Variants in ADAMTSL3 observed in about 807,000 individuals in gnomAD.
ADAMTSL3 encodes ADAMTS like 3.
ADAMTSL3 carries 128 observed loss-of-function variants against 201.7 expected under a neutral mutation model. The ratio of observed to expected loss-of-function variants is 0.63; its 90% CI spans 0.55 to 0.73. ADAMTSL3 has a LOEUF of 0.73. Among genes scored for constraint, ADAMTSL3 ranks in the 30% least tolerant of loss-of-function variants. ADAMTSL3 has a pLI of 0.00. For missense variants in ADAMTSL3, 1,990 were observed against 2,119.6 expected (o/e 0.94, Z 1.20); for synonymous variants, 738 against 748.4 (o/e 0.99, Z 0.23).
In ADAMTSL3 at chr15:84,038,147, C is replaced by T. The variant is rs1277948586; in HGVS notation, c.*341C>T. 9.1e-6 allele frequency: 2 copies of T among 219,208 alleles called. No individual in the cohort carries two copies. The highest frequency in any genetic ancestry group is 1.1e-4 in the Admixed American group (2 of 18,454). The allele number at this position is 219,208 out of a possible 1,614,324, so 13.6% of individuals were successfully genotyped here. A position where few individuals can be genotyped will look rare whatever the true frequency, so the allele number is the denominator to read the frequency against. On this transcript the variant is annotated 3_prime_UTR_variant, in exon 30 of 30. Transcript: ENST00000286744. Reference sequence around the variant, plus strand: ...CTCTTTCCTGTGATATGTAGACTAGCACAGAGTGGTACATCCTAAAAACTT... The same window carrying T: ...CTCTTTCCTGTGATATGTAGACTAGTACAGAGTGGTACATCCTAAAAACTT...
intron 4 of ADAMTSL3, among the ~76,000 whole-genome samples, chr15:83,784,130 A>G (rs1449020844): frequency 6.6e-6 from 1 of 152,124 alleles, no homozygotes; most frequent in African/African-American, 2.4e-5. Context: ...TCATTTGGAG[A>G]TAGTTTCTGG....
At chr15:83,698,928 G>A (rs2061726737) in intron 2 of ADAMTSL3, among the ~76,000 whole-genome samples, 5 of 151,872 alleles carry the variant, frequency 3.3e-5, no homozygotes, top group Admixed American at 2.6e-4. Flanking sequence ...CTAATATAGG[G>A]TGTTTTCCTT....
At chr15:83,918,534 C>A (rs553271140) in intron 16 of ADAMTSL3, among the ~76,000 whole-genome samples, 1 of 152,034 alleles carries the variant, frequency 6.6e-6, no homozygotes, top group Non-Finnish European at 1.5e-5. Context: ...GGGTGGCACA[C>A]GGATAATTTC....
At chr15:83,831,715 A>G (rs2141959382) in intron 6 of ADAMTSL3, among the ~76,000 whole-genome samples, 1 of 152,162 alleles carries the variant, frequency 6.6e-6, no homozygotes, top group Non-Finnish European at 1.5e-5. Context: ...TTCCGTAGAA[A>G]TCCTTCCCAG....
intron 29 of ADAMTSL3, 95 bp downstream of exon 29, chr15:84,037,082 T>A (rs1315972427): frequency 7.7e-7 from 1 of 1,305,632 alleles, no homozygotes; most frequent in South Asian, 1.3e-5. Context: ...TGCTAGTGAT[T>A]ACCTCATCAG....
At chr15:83,937,501 T>A (rs2066481418) in intron 17 of ADAMTSL3, among the ~76,000 whole-genome samples, 1 of 150,524 alleles carries the variant, frequency 6.6e-6, no homozygotes. Flanking sequence ...GACATCAGGG[T>A]CTACTTGAGG....
intron 2 of ADAMTSL3, among the ~76,000 whole-genome samples, chr15:83,702,183 G>A (rs765006866): frequency 3.3e-5 from 5 of 152,116 alleles, no homozygotes; most frequent in Non-Finnish European, 7.4e-5. Context: ...TAGGGTACCC[G>A]GTGGAAGAAA....
chr15:83,939,886 T>A (rs2142028805), intron 17 of ADAMTSL3, among the ~76,000 whole-genome samples: 1 of 152,266 alleles, frequency 6.6e-6, no homozygotes, highest in South Asian at 2.1e-4. Context: ...CCTCCCAAAG[T>A]GATGGGATTA....
intron 2 of ADAMTSL3, among the ~76,000 whole-genome samples, chr15:83,678,018 T>A (rs2061429616): frequency 6.6e-6 from 1 of 151,986 alleles, no homozygotes; most frequent in African/African-American, 2.4e-5. Flanking sequence ...AGTCTACTGA[T>A]ACCAACTTTA....
At chr15:83,786,662 T>A (rs74730892) in intron 4 of ADAMTSL3, among the ~76,000 whole-genome samples, 1 of 152,194 alleles carries the variant, frequency 6.6e-6, no homozygotes, top group East Asian at 1.9e-4. Context: ...CTTTTATGTG[T>A]CTGTTGTTTT....
intron 17 of ADAMTSL3, among the ~76,000 whole-genome samples, chr15:83,932,883 G>A (rs538212809): frequency 6.6e-5 from 10 of 152,236 alleles, no homozygotes; most frequent in Admixed American, 1.3e-4. Context: ...ACAGAGCATC[G>A]TAAATTGGAA....
At chr15:83,706,430 ACT>A (rs1043546930) in intron 3 of ADAMTSL3, among the ~76,000 whole-genome samples, 43 of 152,244 alleles carry the variant, frequency 2.8e-4, no homozygotes, top group African/African-American at 1.0e-3. Context: ...ATATGAAAAC[ACT>A]CTGTGTTGCC....
intron 9 of ADAMTSL3, among the ~76,000 whole-genome samples, chr15:83,874,544 T>C (rs1300481369): frequency 1.4e-5 from 2 of 143,384 alleles, no homozygotes; most frequent in African/African-American, 2.7e-5. Flanking sequence ...GGTCCTATTT[T>C]GTTCAGAAAA....
In ADAMTSL3 at chr15:84,036,951, A is replaced by C. The variant is rs769093274; in HGVS notation, c.4933A>C (p.Ile1645Leu). The change falls in exon 29 of 30, where the codon ATT becomes CTT. Residue 1645 changes from isoleucine to leucine, a missense_variant. By Grantham distance (5) the Ile-to-Leu change is conservative. Coordinates refer to ENST00000286744, the MANE Select transcript of ADAMTSL3 (RefSeq NM_207517.3). The part of the protein sequence containing the change: ...KRHCVQKKKP[I>L]SWRHCLGPSC... ...ACACTGTGTACAGAAAAAGAAACCA[A>C]TTTCCTGGCGGCACTGTCTTGGGCC... 2 of 1,613,780 alleles carry C rather than the reference A, an allele frequency of 1.2e-6. No individual in the cohort carries two copies. Among genetic ancestry groups the C allele is most frequent in the African/African-American group, 2.7e-5 (2 of 74,822 alleles).
rs1457406660 is a variant in ADAMTSL3 at position 83,988,967 on chromosome 15, C to T, written c.3844+149C>T. ...CGTGATCTCGGCTCACTGTAAGCTC[C>T]GCCTCCCGGGTTCACGCCATTCTCC... On this transcript the variant is annotated intron_variant, in intron 22 of 29. Transcript: ENST00000286744. 2.1e-5 allele frequency: 8 copies of T among 382,760 alleles called. No homozygotes were observed. In the South Asian group the frequency reaches 3.3e-4, roughly 16 times the overall value. The allele number at this position is 382,760 out of a possible 1,614,324, so 23.7% of individuals were successfully genotyped here.
intron 8 of ADAMTSL3, chr15:83,862,602 A>G (rs1356539503): frequency 6.6e-6 from 1 of 152,234 alleles, no homozygotes; most frequent in East Asian, 1.9e-4. Flanking sequence ...CCTGCCCTAA[A>G]AGAGCTCCTG....
intron 19 of ADAMTSL3, among the ~76,000 whole-genome samples, chr15:83,968,482 G>T (rs1046560892): frequency 6.6e-6 from 1 of 152,220 alleles, no homozygotes; most frequent in Non-Finnish European, 1.5e-5. Context: ...ACACCAGTTA[G>T]AATGGCGATC....
intron 2 of ADAMTSL3, among the ~76,000 whole-genome samples, chr15:83,673,337 G>A (rs1430999614): frequency 6.6e-6 from 1 of 152,200 alleles, no homozygotes; most frequent in African/African-American, 2.4e-5. Flanking sequence ...GAATAGACAG[G>A]CACACATACA....
chr15:83,875,493 G>A (rs925389201), intron 9 of ADAMTSL3, among the ~76,000 whole-genome samples: 3 of 152,144 alleles, frequency 2.0e-5, no homozygotes, highest in South Asian at 2.1e-4. Flanking sequence ...GGTGATTCAC[G>A]TAGAACAATC....
Sources: gnomAD v4.1 joint callset for allele counts (sites outside exome capture counted in the v4.1 genomes callset) on GRCh38, gnomAD v4.1.1 for gene constraint, MANE v1.5 for transcripts, NCBI Gene and HGNC (gene_info 2026-07-23, HGNC 2026-07-21) for gene names.